The following EPHA5 variants were observed in gnomAD, a reference collection of about 807,000 sequenced individuals.
The protein encoded by EPHA5 is EPH receptor A5.
A neutral mutation model predicts 105.0 loss-of-function variants in EPHA5; 60 were observed. The observed-to-expected ratio is 0.57, with a 90% CI of 0.46 to 0.71. The LOEUF (loss-of-function observed/expected upper bound fraction) is 0.71, where lower values mean the gene tolerates loss of function less well. Ranked by LOEUF, EPHA5 falls within the 30% of genes least tolerant of loss-of-function variation. The pLI, the probability that EPHA5 is intolerant of heterozygous loss-of-function variation, is 0.00. For missense variants in EPHA5, 1,218 were observed against 1,274.7 expected (o/e 0.96, Z 0.68); for synonymous variants, 513 against 449.1 (o/e 1.14, Z -1.80).
intron 3 of EPHA5, among the ~76,000 whole-genome samples, chr4:65,571,814 A>G (rs1740216851): frequency 6.6e-6 from 1 of 152,076 alleles, no homozygotes. Flanking sequence ...CAGTTGCATA[A>G]TAGCATTTCA....
At chr4:65,565,479 A>C (rs1374916198) in intron 3 of EPHA5, among the ~76,000 whole-genome samples, 3 of 151,718 alleles carry the variant, frequency 2.0e-5, no homozygotes, top group African/African-American at 7.2e-5. Context: ...ATTTCCAATA[A>C]GGCTTAAAGT....
intron 3 of EPHA5, among the ~76,000 whole-genome samples, chr4:65,498,978 G>T (rs533186895): frequency 8.6e-6 from 1 of 115,674 alleles, no homozygotes; most frequent in Non-Finnish European, 1.9e-5. Flanking sequence ...ACATCAACAG[G>T]ATTTTCTTGT....
intron 8 of EPHA5, among the ~76,000 whole-genome samples, chr4:65,385,083 C>G (rs1187709220): frequency 6.6e-6 from 1 of 151,508 alleles, no homozygotes; most frequent in African/African-American, 2.4e-5. Context: ...AATTTGAAAG[C>G]AAATAAAGTT....
chr4:65,406,468 C>T (rs566620420), intron 7 of EPHA5, among the ~76,000 whole-genome samples: 2 of 152,300 alleles, frequency 1.3e-5, no homozygotes, highest in South Asian at 4.1e-4. Flanking sequence ...CTCCGTCCCT[C>T]TCTATGAAGC....
At chr4:65,635,365 A>T (rs1353415833) in intron 2 of EPHA5, among the ~76,000 whole-genome samples, 1 of 152,180 alleles carries the variant, frequency 6.6e-6, no homozygotes, top group Non-Finnish European at 1.5e-5. Context: ...AAAGTTCTTA[A>T]GATCAGCATT....
intron 3 of EPHA5, among the ~76,000 whole-genome samples, chr4:65,513,324 C>T (rs1050872174): frequency 6.6e-6 from 1 of 151,970 alleles, no homozygotes; most frequent in African/African-American, 2.4e-5. Flanking sequence ...AAAATTATTC[C>T]TAATTCTGAT....
rs2148770751 is a variant in EPHA5 at position 65,322,003 on chromosome 4, A to T, written c.*2111T>A. ...ATTTTGTACAAAAGTAATTTGTTTC[A>T]TTAATTTCTGTTTATTGAAATGAAC... On this transcript the variant is annotated 3_prime_UTR_variant, in exon 17 of 17. Coordinates refer to ENST00000613740, the MANE Select transcript of EPHA5 (RefSeq NM_001281766.3). 4.4e-6 allele frequency: 1 copy of T among 225,808 alleles called. No individual in the cohort carries two copies. The highest frequency in any genetic ancestry group is 2.2e-5 in the African/African-American group (1 of 45,064). 14.0% of individuals were successfully genotyped at this position (225,808 alleles called of 1,614,324 possible). A position where few individuals can be genotyped will look rare whatever the true frequency, so the allele number is the denominator to read the frequency against.
chr4:65,605,876 C>T (rs13108533), intron 2 of EPHA5, among the ~76,000 whole-genome samples: 1 of 152,058 alleles, frequency 6.6e-6, no homozygotes, highest in Admixed American at 6.6e-5. Flanking sequence ...AGCTCTCTAT[C>T]CTAGGCATCT....
At chr4:65,361,506 C>T (rs966798748) in intron 11 of EPHA5, among the ~76,000 whole-genome samples, 1 of 151,274 alleles carries the variant, frequency 6.6e-6, no homozygotes, top group African/African-American at 2.4e-5. Context: ...ATGGAGTGGA[C>T]TAAAGTGGAA....
At chr4:65,444,308 A>G (rs1726306346) in intron 5 of EPHA5, among the ~76,000 whole-genome samples, 2 of 152,190 alleles carry the variant, frequency 1.3e-5, no homozygotes, top group Admixed American at 1.3e-4. Context: ...TATGATATAT[A>G]TACATATAAT....
In EPHA5 at chr4:65,542,336, G is replaced by A. The variant is rs543969008; in HGVS notation, c.911-46793C>T. 2.1e-4 allele frequency among the ~76,000 whole-genome samples: 31 copies of A among 150,556 alleles called. No homozygotes were observed. The Middle Eastern group carries it at 0.014, about 66-fold the overall frequency. On this transcript the variant is annotated intron_variant, in intron 3 of 16. Coordinates refer to ENST00000613740, the MANE Select transcript of EPHA5 (RefSeq NM_001281766.3). ...AATTAATAAAATAGATAATCCACTA[G>A]CTAGACTAAAAGAGAGAAGAATCAA...
rs540041985 is a variant in EPHA5, at chr4:65,669,322, C to T, written c.181+240G>A. The T allele has an allele frequency of 1.3e-5, 12 of 908,218 alleles. No homozygotes were observed. In the South Asian group the frequency reaches 4.0e-4, roughly 31 times the overall value. The allele number at this position is 908,218 out of a possible 1,614,324, so 56.3% of individuals were successfully genotyped here. On this transcript the variant is annotated intron_variant, in intron 1 of 16. Coordinates refer to ENST00000613740, the MANE Select transcript of EPHA5 (RefSeq NM_001281766.3). ...GTTTTCCACCTTCCCAGCCCCCCAA[C>T]CAGCCTCTGTCCACACGCATGTTCC...
chr4:65,363,237 T>C (rs1717510890), intron 11 of EPHA5, among the ~76,000 whole-genome samples: 1 of 151,594 alleles, frequency 6.6e-6, no homozygotes, highest in African/African-American at 2.4e-5. Flanking sequence ...AAATAAGTAC[T>C]TACTTTGTGC....
At chr4:65,564,590 C>T (rs1368730344) in intron 3 of EPHA5, among the ~76,000 whole-genome samples, 1 of 151,720 alleles carries the variant, frequency 6.6e-6, no homozygotes, top group African/African-American at 2.4e-5. Context: ...AATCCTATTA[C>T]TATAAACTTT....
intron 3 of EPHA5, among the ~76,000 whole-genome samples, chr4:65,511,443 T>A (rs1236223693): frequency 6.6e-6 from 1 of 152,172 alleles, no homozygotes; most frequent in African/African-American, 2.4e-5. Flanking sequence ...CTTCAAAATA[T>A]ATGTATAGTA....
intron 3 of EPHA5, among the ~76,000 whole-genome samples, chr4:65,568,713 T>C (rs566080356): frequency 6.0e-5 from 9 of 151,128 alleles, no homozygotes; most frequent in African/African-American, 1.7e-4. Flanking sequence ...AAATAATATC[T>C]TAAATAGTTT....
rs71657404 is a variant in EPHA5 at position 65,348,815 on chromosome 4, A to ATATTTTT, written c.2446-613_2446-612insAAAAATA. Among the ~76,000 whole-genome samples the ATATTTTT allele has an allele frequency of 6.9e-4, 44 of 64,110 alleles. 4 individuals carry two copies. The highest frequency in any genetic ancestry group is 1.7e-3 in the East Asian group (3 of 1,796). The allele number at this position is 64,110 out of a possible 152,430, so 42.1% of individuals were successfully genotyped here. On this transcript the variant is annotated intron_variant, in intron 13 of 16. Transcript: ENST00000613740. ...TGTGTATATATATATATATATATAT[A>ATATTTTT]TTTTTTTTTTTTTTTTTTGAGACAG... is the stretch of plus-strand genomic sequence containing the variant.
intron 3 of EPHA5, among the ~76,000 whole-genome samples, chr4:65,548,599 A>G (rs1737608497): frequency 6.6e-6 from 1 of 152,132 alleles, no homozygotes; most frequent in Non-Finnish European, 1.5e-5. Flanking sequence ...GCAGTAAAAT[A>G]TAAAGCAATA....
chr4:65,598,338 G>T (rs1054143907), intron 3 of EPHA5, among the ~76,000 whole-genome samples: 1 of 152,144 alleles, frequency 6.6e-6, no homozygotes, highest in Non-Finnish European at 1.5e-5. Context: ...AGACCAAGGA[G>T]ATATTTTAGA....
Sources: allele counts gnomAD v4.1 joint callset (sites outside exome capture counted in the v4.1 genomes callset), GRCh38; gene constraint gnomAD v4.1.1; transcripts MANE v1.5; gene names NCBI Gene and HGNC (gene_info 2026-07-23, HGNC 2026-07-21).